The following DOK6 variants were observed in gnomAD, a reference collection of about 807,000 sequenced individuals.
The protein encoded by DOK6 is downstream of tyrosine kinase 6.
In DOK6, 22 loss-of-function variants were observed where a neutral mutation model predicts 44.0. That is an observed-to-expected ratio of 0.50 (90% CI 0.36 to 0.71). The LOEUF (loss-of-function observed/expected upper bound fraction) is 0.71. Among genes scored for constraint, DOK6 ranks in the 30% least tolerant of loss-of-function variants. The probability of loss-of-function intolerance (pLI) is 0.00; values close to 1 mark genes in which losing one functional copy is unlikely to be tolerated. For missense variants in DOK6, 340 were observed against 416.4 expected, an observed-to-expected ratio of 0.82 and a Z score of 1.60; for synonymous variants, 166 against 145.5, an observed-to-expected ratio of 1.14 and a Z score of -1.01.
intron 7 of DOK6, among the ~76,000 whole-genome samples, chr18:69,775,034 T>C (rs1255379278): frequency 2.0e-5 from 3 of 149,646 alleles, no homozygotes; most frequent in Admixed American, 1.3e-4. Context: ...AGCAACGAGA[T>C]AGAACAGGAA....
intron 1 of DOK6, among the ~76,000 whole-genome samples, chr18:69,550,738 A>T: frequency 6.7e-6 from 1 of 148,904 alleles, no homozygotes. Context: ...CAGTTTCTTA[A>T]GTTTTTTTAT....
At chr18:69,820,513 GC>G (rs1210891809) in intron 7 of DOK6, among the ~76,000 whole-genome samples, 1 of 152,128 alleles carries the variant, frequency 6.6e-6, no homozygotes, top group Non-Finnish European at 1.5e-5. Context: ...GAGACATTTG[GC>G]CTTAAACTTG....
At chr18:69,577,101 T>C (rs1171871418) in intron 2 of DOK6, among the ~76,000 whole-genome samples, 5 of 152,136 alleles carry the variant, frequency 3.3e-5, no homozygotes, top group Non-Finnish European at 7.4e-5. Flanking sequence ...TTGGCAGTAT[T>C]TATCCTTAGG....
chr18:69,580,421 C>G (rs1983339930), intron 2 of DOK6, among the ~76,000 whole-genome samples: 1 of 152,178 alleles, frequency 6.6e-6, no homozygotes, highest in Non-Finnish European at 1.5e-5. Context: ...TCTCTGACTT[C>G]CGTTTCAGTG....
chr18:69,404,398 TC>T (rs1205603153), intron 1 of DOK6, among the ~76,000 whole-genome samples: 1 of 152,150 alleles, frequency 6.6e-6, no homozygotes, highest in East Asian at 1.9e-4. Flanking sequence ...TAGCAAAATA[TC>T]CAGTCAGTTT....
chr18:69,748,349 A>G (rs117204559), intron 6 of DOK6, among the ~76,000 whole-genome samples: 7,172 of 152,094 alleles, frequency 0.047, 166 homozygotes, highest in Middle Eastern at 0.054. Flanking sequence ...CAGAAACTTA[A>G]GATATTCACG....
At chr18:69,411,870 C>A (rs931842905) in intron 1 of DOK6, among the ~76,000 whole-genome samples, 4 of 152,098 alleles carry the variant, frequency 2.6e-5, no homozygotes, top group African/African-American at 9.7e-5. Flanking sequence ...TGTCTTTACG[C>A]TTTTACTCTT....
intron 7 of DOK6, among the ~76,000 whole-genome samples, chr18:69,831,773 G>T (rs2145133035): frequency 6.6e-6 from 1 of 152,244 alleles, no homozygotes; most frequent in East Asian, 1.9e-4. Context: ...ATACTAGTCT[G>T]GTTTGACTTA....
Position 69,564,586 on chromosome 18 carries a change from T to G in DOK6, c.166T>G (p.Phe56Val). The change falls in exon 2 of 8, where the codon TTT becomes GTT. Residue 56 changes from phenylalanine to valine, a missense_variant. Physicochemically the swap from Phe to Val is conservative, Grantham distance 50. Around this residue, in one of 3 missense-constraint regions of DOK6, gnomAD observed 206 missense variants for 258.6 expected, o/e 0.80. Coordinates refer to ENST00000382713, the MANE Select transcript of DOK6 (RefSeq NM_152721.6). Reference sequence around the variant, plus strand: ...TGAAAAGGCAGCTTATTTCAGAAACTTTCATAAGGTAAGTCACAGTCCTGG... The same window carrying G: ...TGAAAAGGCAGCTTATTTCAGAAACGTTCATAAGGTAAGTCACAGTCCTGG... ...PDEKAAYFRN[F>V]HKVTELHNIK... 6.2e-7 allele frequency: 1 copy of G among 1,612,896 alleles called. No individual in the cohort carries two copies. Among genetic ancestry groups the G allele is most frequent in the Non-Finnish European group, 8.5e-7 (1 of 1,179,532 alleles).
At chr18:69,488,379 G>A (rs1329351126) in intron 1 of DOK6, among the ~76,000 whole-genome samples, 8 of 152,156 alleles carry the variant, frequency 5.3e-5, no homozygotes, top group Admixed American at 4.6e-4. Flanking sequence ...TGTTTGGGCT[G>A]CTACCCACCA....
intron 1 of DOK6, among the ~76,000 whole-genome samples, chr18:69,492,541 A>G (rs896799996): frequency 2.9e-4 from 44 of 152,214 alleles, no homozygotes; most frequent in African/African-American, 1.1e-3. Flanking sequence ...GATAATAAGC[A>G]TAGTACCCGA....
At chr18:69,646,743 G>A (rs1483836413) in intron 3 of DOK6, among the ~76,000 whole-genome samples, 1 of 152,080 alleles carries the variant, frequency 6.6e-6, no homozygotes, top group South Asian at 2.1e-4. Flanking sequence ...GAGACAGGGT[G>A]TTCACGACCA....
chr18:69,430,483 G>A (rs1978772787), intron 1 of DOK6, among the ~76,000 whole-genome samples: 1 of 152,038 alleles, frequency 6.6e-6, no homozygotes, highest in Admixed American at 6.5e-5. Context: ...CGTAGAAAAC[G>A]ATAAAGAAGT....
Position 69,846,196 on chromosome 18 carries a change from A to T in DOK6, c.*4813A>T, listed in dbSNP as rs1982341542. The stretch of plus-strand genomic sequence containing the variant: ...TGGGCACATTTCCCAGGCAGGTGGA[A>T]TGCTAGCTAGATCTAGAAGCACCCT... On this transcript the variant is annotated 3_prime_UTR_variant, in exon 8 of 8. Coordinates refer to ENST00000382713, the MANE Select transcript of DOK6 (RefSeq NM_152721.6). 3 of 152,234 alleles carry T rather than the reference A, an allele frequency of 2.0e-5. No individual in the cohort carries two copies. Among genetic ancestry groups the T allele is most frequent in the Admixed American group, 2.0e-4 (3 of 15,278 alleles). The allele number at this position is 152,234 out of a possible 1,614,324, so 9.4% of individuals were successfully genotyped here. A position where few individuals can be genotyped will look rare whatever the true frequency, so the allele number is the denominator to read the frequency against.
rs112099539 is a variant in DOK6, at chr18:69,486,193, G to C, written c.67-78294G>C. On this transcript the variant is annotated intron_variant, in intron 1 of 7. Coordinates refer to ENST00000382713, the MANE Select transcript of DOK6 (RefSeq NM_152721.6). Reference sequence around the variant, plus strand: ...CTTTTGCAGAGTATAGACATTTCTTGTTCCTTTATTGATATCTTTAAACAT... The same window carrying C: ...CTTTTGCAGAGTATAGACATTTCTTCTTCCTTTATTGATATCTTTAAACAT... Among the ~76,000 whole-genome samples the C allele has an allele frequency of 1.3e-4, 19 of 151,672 alleles. 1 individual carries two copies. The highest frequency in any genetic ancestry group is 4.6e-4 in the African/African-American group (19 of 41,278).
At chr18:69,826,896 A>G (rs1981757215) in intron 7 of DOK6, among the ~76,000 whole-genome samples, 1 of 152,138 alleles carries the variant, frequency 6.6e-6, no homozygotes, top group South Asian at 2.1e-4. Flanking sequence ...ATCTGTATCC[A>G]CAATTCTCAA....
intron 7 of DOK6, among the ~76,000 whole-genome samples, chr18:69,840,003 T>G (rs1982169852): frequency 6.6e-6 from 1 of 152,200 alleles, no homozygotes; most frequent in Admixed American, 6.5e-5. Context: ...AGTGGTTAAG[T>G]GGTTCCGTTC....
chr18:69,475,405 A>C (rs542629849), intron 1 of DOK6, among the ~76,000 whole-genome samples: 8 of 152,234 alleles, frequency 5.3e-5, no homozygotes, highest in Non-Finnish European at 1.2e-4. Flanking sequence ...TCCCCTAATG[A>C]GACTGAAAAA....
chr18:69,840,192 G>C (rs976609185), intron 7 of DOK6, among the ~76,000 whole-genome samples: 1 of 152,230 alleles, frequency 6.6e-6, no homozygotes, highest in African/African-American at 2.4e-5. Context: ...GTCGGTGCTC[G>C]GCGTTAACAG....
Sources: gnomAD v4.1 joint callset for allele counts (sites outside exome capture counted in the v4.1 genomes callset) on GRCh38, gnomAD v4.1.1 for gene constraint, gnomAD v4.1.1 regional missense constraint, MANE v1.5 for transcripts, NCBI Gene and HGNC (gene_info 2026-07-23, HGNC 2026-07-21) for gene names.